CYP39A1: variants seen among roughly 807,000 people sequenced by gnomAD.
CYP39A1 encodes cytochrome P450 family 39 subfamily A member 1.
Under a neutral mutation model 58.1 loss-of-function variants are expected in CYP39A1, and 49 were observed. The observed-to-expected ratio is 0.84, with a 90% confidence interval of 0.67 to 1.07. The LOEUF is 1.07. CYP39A1 is among the 50% of genes least tolerant of loss of function. The pLI, the probability that CYP39A1 is intolerant of heterozygous loss-of-function variation, is 0.00. For synonymous variants in CYP39A1, 209 were observed against 187.6 expected (o/e 1.11, Z -0.93); for missense variants, 531 against 539.4 (o/e 0.98, Z 0.16).
intron 7 of CYP39A1, among the ~76,000 whole-genome samples, chr6:46,612,297 T>C (rs3799873): frequency 0.2 from 29,671 of 152,078 alleles, 3,144 homozygotes; most frequent in African/African-American, 0.28. Flanking sequence ...GTATTAGACA[T>C]GCAAGTCTCA....
Position 46,642,498 on chromosome 6 carries a change from A to C in CYP39A1, c.178-200T>G, listed in dbSNP as rs143674602. Among the ~76,000 whole-genome samples the C allele has an allele frequency of 7.4e-4, 112 of 152,260 alleles. No homozygotes were observed. The Middle Eastern group carries it at 0.014, about 18-fold the overall frequency. On this transcript the variant is annotated intron_variant, in intron 1 of 11. Transcript: ENST00000275016. ...TTAATTTGTTCTGTCCTAATATGTA[A>C]TATTCCCTTTGATCATTTTATTGCC... is the stretch of plus-strand genomic sequence containing the variant.
chr6:46,643,226 C>T lies in CYP39A1; in HGVS notation c.178-928G>A, dbSNP rs79254711. ...TTTCTTCAATTATGAATGTGGGCAA[C>T]AAACCTCAGTCTTCTCCATGACTCT... is the stretch of plus-strand genomic sequence containing the variant. On this transcript the variant is annotated intron_variant, in intron 1 of 11. Transcript: ENST00000275016. 4.3e-3 allele frequency among the ~76,000 whole-genome samples: 659 copies of T among 152,306 alleles called. 2 individuals carry two copies. Among genetic ancestry groups the T allele is most frequent in the African/African-American group, 0.015 (610 of 41,566 alleles).
Position 46,555,156 on chromosome 6 carries a change from C to A in CYP39A1, c.1251-1302G>T, listed in dbSNP as rs186972999. ...CCTATCTCTGCAGTCTCCTCTCCCC[C>A]AGAGCTCCCCCTTGACACCATGTGG... On this transcript the variant is annotated intron_variant, in intron 10 of 11. Coordinates refer to ENST00000275016, the MANE Select transcript of CYP39A1 (RefSeq NM_016593.5). 1.0e-3 allele frequency among the ~76,000 whole-genome samples: 155 copies of A among 152,300 alleles called. 1 individual carries two copies. Among genetic ancestry groups the A allele is most frequent in the Middle Eastern group, 3.4e-3 (1 of 294 alleles).
chr6:46,554,972 C>A (rs1173805111), intron 10 of CYP39A1, among the ~76,000 whole-genome samples: 1 of 152,100 alleles, frequency 6.6e-6, no homozygotes, highest in Non-Finnish European at 1.5e-5. Flanking sequence ...TCTACTCTGT[C>A]CTTTACCCTA....
chr6:46,604,485 A>G (rs1385483259), intron 7 of CYP39A1, among the ~76,000 whole-genome samples: 5 of 152,238 alleles, frequency 3.3e-5, no homozygotes, highest in African/African-American at 1.2e-4. Flanking sequence ...AAATACCAAA[A>G]GCAGACATGT....
At chr6:46,612,965 G>T (rs537605311) in intron 7 of CYP39A1, among the ~76,000 whole-genome samples, 1 of 152,306 alleles carries the variant, frequency 6.6e-6, no homozygotes, top group South Asian at 2.1e-4. Flanking sequence ...TGGCAAGATG[G>T]TGCTGAGACA....
At chr6:46,618,612 C>T (rs1415155376) in intron 7 of CYP39A1, among the ~76,000 whole-genome samples, 2 of 152,022 alleles carry the variant, frequency 1.3e-5, no homozygotes, top group African/African-American at 4.8e-5. Flanking sequence ...ATTTACCATT[C>T]ATACGGATTA....
At chr6:46,593,085 T>C (rs1772939285) in intron 8 of CYP39A1, among the ~76,000 whole-genome samples, 1 of 152,158 alleles carries the variant, frequency 6.6e-6, no homozygotes, top group Admixed American at 6.5e-5. Flanking sequence ...TCTAGATGCA[T>C]AAAAAGTGAA....
chr6:46,580,963 C>A (rs530715250), intron 10 of CYP39A1, among the ~76,000 whole-genome samples: 1 of 152,266 alleles, frequency 6.6e-6, no homozygotes, highest in South Asian at 2.1e-4. Flanking sequence ...GAACTTAGAA[C>A]TACCATTCAA....
chr6:46,553,565 G>C (rs1478434937), intron 11 of CYP39A1, among the ~76,000 whole-genome samples: 1 of 152,180 alleles, frequency 6.6e-6, no homozygotes, highest in Non-Finnish European at 1.5e-5. Flanking sequence ...TCCCAGTCAG[G>C]TAGTAATTGG....
chr6:46,603,661 A>G (rs1773653974), intron 7 of CYP39A1, among the ~76,000 whole-genome samples: 1 of 152,156 alleles, frequency 6.6e-6, no homozygotes, highest in Admixed American at 6.5e-5. Flanking sequence ...ATAAACCTCT[A>G]AATTGATTGA....
rs1770314005 is a variant in CYP39A1, at chr6:46,550,176, T to G, written c.*190A>C. On this transcript the variant is annotated 3_prime_UTR_variant, in exon 12 of 12. Transcript: ENST00000275016. ...CCATGTATTCCGGTCTCTATATTAC[T>G]GAGAGTGATGTTAGATTCTTGGTCT... 1 of 440,570 alleles carries G rather than the reference T, an allele frequency of 2.3e-6. No homozygotes were observed. The highest frequency in any genetic ancestry group is 6.2e-5 in the South Asian group (1 of 16,008). The allele number at this position is 440,570 out of a possible 1,614,324, so 27.3% of individuals were successfully genotyped here. A position where few individuals can be genotyped will look rare whatever the true frequency, so the allele number is the denominator to read the frequency against.
intron 1 of CYP39A1, among the ~76,000 whole-genome samples, chr6:46,642,768 T>C (rs1292681681): frequency 1.3e-5 from 2 of 152,194 alleles, no homozygotes; most frequent in African/African-American, 4.8e-5. Context: ...TTCACTTTCC[T>C]AGTTTTCAAA....
chr6:46,649,772 C>T (rs1239756726), intron 1 of CYP39A1, among the ~76,000 whole-genome samples: 1 of 152,156 alleles, frequency 6.6e-6, no homozygotes, highest in African/African-American at 2.4e-5. Flanking sequence ...GTTGAAGGGA[C>T]TTTCCCCGTA....
chr6:46,562,799 TC>T (rs1328625776), intron 10 of CYP39A1, among the ~76,000 whole-genome samples: 1 of 152,066 alleles, frequency 6.6e-6, no homozygotes, highest in African/African-American at 2.4e-5. Context: ...AGGCAGAATT[TC>T]CCTAATTAAT....
At chr6:46,610,383 C>T (rs1774139050) in intron 7 of CYP39A1, among the ~76,000 whole-genome samples, 1 of 152,076 alleles carries the variant, frequency 6.6e-6, no homozygotes. Flanking sequence ...ACTTTGTTGC[C>T]CAGGCTGGAG....
At chr6:46,622,440 C>T (rs7773028) in intron 7 of CYP39A1, among the ~76,000 whole-genome samples, 28,974 of 151,768 alleles carry the variant, frequency 0.19, 2,963 homozygotes, top group African/African-American at 0.27. Context: ...CCTTCCTCTG[C>T]CCCAATGTCC....
intron 10 of CYP39A1, among the ~76,000 whole-genome samples, chr6:46,585,866 G>A (rs1009155304): frequency 2.0e-5 from 3 of 152,008 alleles, no homozygotes; most frequent in Non-Finnish European, 4.4e-5. Flanking sequence ...TATTCCTCTT[G>A]AACTTGCTGC....
At chr6:46,584,257 A>AG (rs1772327688) in intron 10 of CYP39A1, among the ~76,000 whole-genome samples, 1 of 152,174 alleles carries the variant, frequency 6.6e-6, no homozygotes. Flanking sequence ...GGTTTCTTAA[A>AG]TAGGTCACAT....
Sources: allele counts gnomAD v4.1 joint callset (sites outside exome capture counted in the v4.1 genomes callset), GRCh38; gene constraint gnomAD v4.1.1; transcripts MANE v1.5; gene names NCBI Gene and HGNC (gene_info 2026-07-23, HGNC 2026-07-21).